The following BACH2 variants were observed in gnomAD, a reference collection of about 807,000 sequenced individuals.
BACH2 encodes the protein BACH transcriptional regulator 2.
In BACH2, 5 loss-of-function variants were observed where a neutral mutation model predicts 61.8. The observed-to-expected ratio is 0.08, with a 90% CI of 0.04 to 0.17. The LOEUF (loss-of-function observed/expected upper bound fraction) is 0.17, where lower values mean the gene tolerates loss of function less well. Ranked by LOEUF, BACH2 falls within the 10% of genes least tolerant of loss-of-function variation. The pLI is 1.00. For synonymous variants in BACH2, 446 were observed against 440.1 expected (o/e 1.01, Z -0.17); for missense variants, 824 against 1,091.1 (o/e 0.76, Z 3.45).
chr6:89,940,256 C>T (rs557361109), intron 7 of BACH2, among the ~76,000 whole-genome samples: 41 of 152,116 alleles, frequency 2.7e-4, no homozygotes, highest in East Asian at 1.9e-3. Flanking sequence ...GTGATCCGCC[C>T]GCCTTGGCCT....
chr6:90,059,979 G>T (rs534531305), intron 5 of BACH2, among the ~76,000 whole-genome samples: 169 of 110,182 alleles, frequency 1.5e-3, no homozygotes, highest in African/African-American at 5.8e-3. Context: ...CTGTTGTGGG[G>T]TGGGGGGAGG....
chr6:90,222,139 C>T (rs62408218), intron 3 of BACH2, among the ~76,000 whole-genome samples: 41,150 of 152,070 alleles, frequency 0.27, 6,289 homozygotes, highest in Non-Finnish European at 0.35. Context: ...GGTGTGGATT[C>T]TACACTTACG....
chr6:89,986,133 T>G (rs1776224235), intron 6 of BACH2, among the ~76,000 whole-genome samples: 1 of 151,464 alleles, frequency 6.6e-6, no homozygotes, highest in Non-Finnish European at 1.5e-5. Flanking sequence ...CCCCTGCCTG[T>G]GGAGGGGATG....
chr6:90,054,921 T>C (rs1780250348), intron 5 of BACH2, among the ~76,000 whole-genome samples: 1 of 152,174 alleles, frequency 6.6e-6, no homozygotes, highest in Admixed American at 6.5e-5. Flanking sequence ...TCCTGTCTGT[T>C]AGAAGGAAAA....
At chr6:90,256,667 G>A (rs1369064113) in intron 2 of BACH2, among the ~76,000 whole-genome samples, 1 of 152,182 alleles carries the variant, frequency 6.6e-6, no homozygotes. Context: ...TATACAACGT[G>A]ATGTTATAGG....
intron 1 of BACH2, among the ~76,000 whole-genome samples, chr6:90,288,869 A>G (rs2127891430): frequency 6.6e-6 from 1 of 152,350 alleles, no homozygotes; most frequent in African/African-American, 2.4e-5. Context: ...AAAAAACAAA[A>G]AACAAAACGC....
chr6:90,159,391 G>A (rs1785110630), intron 4 of BACH2, among the ~76,000 whole-genome samples: 1 of 152,112 alleles, frequency 6.6e-6, no homozygotes, highest in Admixed American at 6.5e-5. Context: ...ATATATGGAA[G>A]TATAAGAAAA....
chr6:90,195,584 G>A (rs1768730358), intron 4 of BACH2, among the ~76,000 whole-genome samples: 1 of 152,318 alleles, frequency 6.6e-6, no homozygotes, highest in Middle Eastern at 3.4e-3. Flanking sequence ...GTTGTGAAGT[G>A]TAACAATCAG....
chr6:90,070,562 T>C (rs1184247203), intron 5 of BACH2, among the ~76,000 whole-genome samples: 2 of 152,178 alleles, frequency 1.3e-5, no homozygotes, highest in Non-Finnish European at 2.9e-5. Context: ...ACTCTGATTC[T>C]TTAAAATCTT....
At chr6:89,992,159 T>A (rs1776610402) in intron 6 of BACH2, among the ~76,000 whole-genome samples, 1 of 152,250 alleles carries the variant, frequency 6.6e-6, no homozygotes, top group Non-Finnish European at 1.5e-5. Flanking sequence ...TTCCTGTTTA[T>A]CCTTTCTGTT....
At chr6:90,131,024 A>G (rs932211656) in intron 4 of BACH2, among the ~76,000 whole-genome samples, 1 of 152,218 alleles carries the variant, frequency 6.6e-6, no homozygotes, top group African/African-American at 2.4e-5. Context: ...TTTAGTGGGA[A>G]GAGTCACTCC....
chr6:90,059,410 C>G (rs1780558476), intron 5 of BACH2, among the ~76,000 whole-genome samples: 1 of 152,180 alleles, frequency 6.6e-6, no homozygotes, highest in African/African-American at 2.4e-5. Context: ...GAATACAAAT[C>G]AAAACCACAA....
At chr6:90,154,800 A>C (rs1034489295) in intron 4 of BACH2, among the ~76,000 whole-genome samples, 2 of 152,216 alleles carry the variant, frequency 1.3e-5, no homozygotes, top group Admixed American at 1.3e-4. Flanking sequence ...GACAGGAAGC[A>C]CAAGTGTTAC....
rs386407909 is a variant in BACH2 at position 90,014,944 on chromosome 6, AT to A, written c.-12-6089del. 1.5e-3 allele frequency among the ~76,000 whole-genome samples: 195 copies of A among 133,602 alleles called. 1 individual carries two copies. The highest frequency in any genetic ancestry group is 1.9e-3 in the South Asian group (8 of 4,154). 87.6% of individuals were successfully genotyped at this position (133,602 alleles called of 152,430 possible). On this transcript the variant is annotated intron_variant, in intron 5 of 8. Transcript: ENST00000257749. ...ATAGGCCGTGCCACCATGTTCAGCT[AT>A]TTTTTTTTTTTTTTTGTAAGAGATG...
intron 4 of BACH2, among the ~76,000 whole-genome samples, chr6:90,101,736 C>T (rs1185207038): frequency 3.9e-5 from 6 of 152,182 alleles, no homozygotes; most frequent in Non-Finnish European, 8.8e-5. Flanking sequence ...ATTGTGTTGA[C>T]TATATAGGTT....
intron 4 of BACH2, among the ~76,000 whole-genome samples, chr6:90,154,805 T>C (rs1784939568): frequency 6.6e-6 from 1 of 152,124 alleles, no homozygotes; most frequent in Non-Finnish European, 1.5e-5. Context: ...GAAGCACAAG[T>C]GTTACTTTGG....
intron 6 of BACH2, among the ~76,000 whole-genome samples, chr6:89,959,089 G>A (rs1202218046): frequency 3.7e-5 from 5 of 136,150 alleles, no homozygotes; most frequent in African/African-American, 5.5e-5. Flanking sequence ...ACACATGCAT[G>A]CACAAGTGCA....
chr6:89,961,731 T>C (rs1195136199), intron 6 of BACH2, among the ~76,000 whole-genome samples: 2 of 152,206 alleles, frequency 1.3e-5, no homozygotes, highest in Admixed American at 1.3e-4. Context: ...TCTTACACCT[T>C]TCTTGTTACT....
In BACH2 at chr6:90,289,630, C is replaced by T. The variant is rs12204252; in HGVS notation, c.-446+6850G>A. ...TAAAATACACTCAACACTAATGATA[C>T]ATGATGAGCTGAAACAAGAAAAATA... On this transcript the variant is annotated intron_variant, in intron 1 of 8. Coordinates refer to ENST00000257749, the MANE Select transcript of BACH2 (RefSeq NM_021813.4). Among the ~76,000 whole-genome samples the T allele has an allele frequency of 2.7e-3, 406 of 152,272 alleles. 1 individual carries two copies. Among genetic ancestry groups the T allele is most frequent in the South Asian group, 8.7e-3 (42 of 4,820 alleles).
Sources: allele counts gnomAD v4.1 joint callset (sites outside exome capture counted in the v4.1 genomes callset), GRCh38; gene constraint gnomAD v4.1.1; transcripts MANE v1.5; gene names NCBI Gene and HGNC (gene_info 2026-07-23, HGNC 2026-07-21).